The following TCF12 variants were observed in gnomAD, a reference collection of about 807,000 sequenced individuals.
TCF12 encodes the protein transcription factor 12.
In TCF12, 45 loss-of-function variants were observed where a neutral mutation model predicts 86.0. That is an observed-to-expected ratio of 0.52 (90% CI 0.41 to 0.67). TCF12 has a LOEUF of 0.67. Among genes scored for constraint, TCF12 ranks in the 30% least tolerant of loss-of-function variants. The probability of loss-of-function intolerance (pLI) is 0.00; values close to 1 mark genes in which losing one functional copy is unlikely to be tolerated. For synonymous variants in TCF12, 330 were observed against 299.6 expected (o/e 1.10, Z -1.05); for missense variants, 881 against 859.9 (o/e 1.02, Z -0.31).
chr15:57,142,701 T>C (rs2053067481), intron 5 of TCF12, among the ~76,000 whole-genome samples: 1 of 152,180 alleles, frequency 6.6e-6, no homozygotes, highest in South Asian at 2.1e-4. Flanking sequence ...AAAGGTAACT[T>C]TTCAGTTGAG....
At chr15:56,938,915 G>T (rs927007222) in intron 3 of TCF12, among the ~76,000 whole-genome samples, 1 of 152,022 alleles carries the variant, frequency 6.6e-6, no homozygotes, top group African/African-American at 2.4e-5. Flanking sequence ...TCCCTGCTGG[G>T]TATCAAAACA....
chr15:56,965,166 A>G (rs2061947933), intron 3 of TCF12, among the ~76,000 whole-genome samples: 1 of 152,204 alleles, frequency 6.6e-6, no homozygotes. Context: ...GACATATAGT[A>G]TCATTTCTAT....
intron 13 of TCF12, chr15:57,248,067 T>C: frequency 2.8e-6 from 2 of 702,994 alleles, no homozygotes; most frequent in Non-Finnish European, 2.6e-6. Flanking sequence ...ACTGGACTCA[T>C]GTCTTCCAAC....
At chr15:57,268,289 C>T (rs959482717) in intron 18 of TCF12, among the ~76,000 whole-genome samples, 2 of 152,196 alleles carry the variant, frequency 1.3e-5, no homozygotes, top group Non-Finnish European at 2.9e-5. Context: ...TATCTGTGGA[C>T]ACCACTGGGC....
chr15:57,091,581 C>T (rs2048995836), intron 4 of TCF12, among the ~76,000 whole-genome samples: 1 of 152,006 alleles, frequency 6.6e-6, no homozygotes, highest in Non-Finnish European at 1.5e-5. Context: ...CTTTTCTTTA[C>T]GATCAATAAA....
chr15:56,997,363 G>A (rs190582607), intron 3 of TCF12, among the ~76,000 whole-genome samples: 2 of 152,308 alleles, frequency 1.3e-5, no homozygotes, highest in Non-Finnish European at 2.9e-5. Flanking sequence ...GGGAACTGAT[G>A]CAGAAAAAGA....
chr15:57,057,450 A>T (rs1198159569), intron 3 of TCF12, among the ~76,000 whole-genome samples: 1 of 152,208 alleles, frequency 6.6e-6, no homozygotes, highest in Non-Finnish European at 1.5e-5. Context: ...ATTAAAAGAG[A>T]AACTCACCCA....
chr15:57,040,100 A>G (rs907190680), intron 3 of TCF12, among the ~76,000 whole-genome samples: 2 of 152,178 alleles, frequency 1.3e-5, no homozygotes, highest in African/African-American at 2.4e-5. Flanking sequence ...ATAATATTCA[A>G]ACTCCTCTTC....
intron 5 of TCF12, among the ~76,000 whole-genome samples, chr15:57,105,894 G>A (rs1411252090): frequency 6.6e-6 from 1 of 152,180 alleles, no homozygotes; most frequent in East Asian, 1.9e-4. Flanking sequence ...GAGTTGTTAT[G>A]TTCGTTATAA....
intron 4 of TCF12, among the ~76,000 whole-genome samples, chr15:57,069,500 G>T (rs1326959073): frequency 2.0e-5 from 3 of 152,082 alleles, no homozygotes; most frequent in African/African-American, 4.8e-5. Context: ...TCTTCCCTCT[G>T]TGTTTTACAG....
intron 8 of TCF12, chr15:57,219,064 C>A: frequency 1.9e-6 from 2 of 1,053,042 alleles, no homozygotes; most frequent in Non-Finnish European, 2.3e-6. Flanking sequence ...GATGGTAACG[C>A]TGGAGGTGTA....
intron 19 of TCF12, 60 bp from the exon 20 acceptor site, chr15:57,282,385 C>G (rs907509855): frequency 3.1e-6 from 5 of 1,599,674 alleles, no homozygotes; most frequent in Non-Finnish European, 4.3e-6. Flanking sequence ...ATTTGTTCAG[C>G]TTGAGACCTA....
intron 4 of TCF12, among the ~76,000 whole-genome samples, chr15:57,065,420 T>C (rs1487931126): frequency 6.6e-6 from 1 of 152,224 alleles, no homozygotes; most frequent in East Asian, 1.9e-4. Flanking sequence ...TTGAGTAATA[T>C]TGTGAATATG....
rs543186537 is a variant in TCF12 at position 57,050,074 on chromosome 15, A to G, written c.149-13676A>G. On this transcript the variant is annotated intron_variant, in intron 3 of 20. Transcript: ENST00000333725. The stretch of plus-strand genomic sequence containing the variant: ...TCGGAGCTTATAGTTTACTATGTCA[A>G]TGTAAAATTAAGGATCTTGAAAAGT... Among the ~76,000 whole-genome samples the G allele has an allele frequency of 3.3e-5, 5 of 152,314 alleles. No homozygotes were observed. In the East Asian group the frequency reaches 7.7e-4, roughly 23 times the overall value.
intron 8 of TCF12, among the ~76,000 whole-genome samples, chr15:57,224,308 C>G (rs1316369094): frequency 6.6e-6 from 1 of 152,014 alleles, no homozygotes; most frequent in African/African-American, 2.4e-5. Flanking sequence ...AGTTTCAAAC[C>G]CTGTCCCTTA....
intron 3 of TCF12, among the ~76,000 whole-genome samples, chr15:57,061,930 A>G (rs1381584693): frequency 6.6e-6 from 1 of 152,064 alleles, no homozygotes; most frequent in African/African-American, 2.4e-5. Flanking sequence ...ACTGGTGTCT[A>G]ATGATACTGG....
At position 57,194,235 on chromosome 15, in the gene TCF12, T is replaced by TA. The variant is rs1476688760; in HGVS notation, c.526+1943dup. On this transcript the variant is annotated intron_variant, in intron 7 of 20. Transcript: ENST00000333725. ...TTCATTTTAATTTTGATTATGATGA[T>TA]AGACACTATTGATTGTCTCTTCCAT... Among the ~76,000 whole-genome samples the TA allele has an allele frequency of 8.2e-5, 12 of 146,486 alleles. No individual in the cohort carries two copies. The South Asian group carries it at 1.4e-3, about 17-fold the overall frequency.
intron 5 of TCF12, among the ~76,000 whole-genome samples, chr15:57,126,960 T>C (rs974999383): frequency 3.3e-5 from 5 of 151,058 alleles, no homozygotes; most frequent in Non-Finnish European, 3.0e-5. Flanking sequence ...TTCTTACTCT[T>C]CACTTGTACT....
intron 3 of TCF12, among the ~76,000 whole-genome samples, chr15:56,933,052 G>T (rs1177772116): frequency 6.6e-6 from 1 of 152,098 alleles, no homozygotes; most frequent in Non-Finnish European, 1.5e-5. Flanking sequence ...TATGAAATTT[G>T]ATAGTTGGAA....
Sources: allele counts gnomAD v4.1 joint callset (sites outside exome capture counted in the v4.1 genomes callset), GRCh38; gene constraint gnomAD v4.1.1; transcripts MANE v1.5; gene names NCBI Gene and HGNC (gene_info 2026-07-23, HGNC 2026-07-21).